The following RPL11 variants were observed in gnomAD, a reference collection of about 807,000 sequenced individuals.
RPL11 encodes large ribosomal subunit protein uL5.
A neutral mutation model predicts 24.1 loss-of-function variants in RPL11; 3 were observed. The ratio of observed to expected loss-of-function variants is 0.12; its 90% CI spans 0.06 to 0.32. The LOEUF is 0.32. Ranked by LOEUF, RPL11 falls within the 10% of genes least tolerant of loss-of-function variation. The pLI is 1.00. For missense variants in RPL11, 146 were observed against 225.7 expected (o/e 0.65, Z 2.26); for synonymous variants, 96 against 75.7 (o/e 1.27, Z -1.39).
intron 1 of RPL11, 137 bp downstream of exon 1, chr1:23,691,966 G>C (rs925145478): frequency 2.6e-5 from 30 of 1,172,504 alleles, no homozygotes; most frequent in Non-Finnish European, 3.6e-5. Flanking sequence ...TAGCAGAGCC[G>C]TTCGAGCCAA....
intron 5 of RPL11, 77 bp downstream of exon 5, chr1:23,695,985 A>T (rs1057000026): frequency 7.5e-7 from 1 of 1,338,172 alleles, no homozygotes; most frequent in Admixed American, 2.0e-5. Flanking sequence ...GATGCAAAAT[A>T]TAGTACTATT....
At chr1:23,692,506 C>A in intron 1 of RPL11, 103 bp from the exon 2 acceptor site, 1 of 1,474,264 alleles carries the variant, frequency 6.8e-7, no homozygotes, top group Non-Finnish European at 9.5e-7. Context: ...GTCTTCGTTA[C>A]GATTTGGGAT....
At chr1:23,692,125 C>G (rs1644503923) in intron 1 of RPL11, 2 of 554,520 alleles carry the variant, frequency 3.6e-6, no homozygotes. Flanking sequence ...GGGTCCGGGC[C>G]TTTTCCTGGT....
chr1:23,695,633 G>C, intron 4 of RPL11, 165 bp from the exon 5 acceptor site: 1 of 698,706 alleles, frequency 1.4e-6, no homozygotes. Context: ...TGTGTGTTGC[G>C]TGGGATGCTG....
At chr1:23,694,550 C>T in intron 3 of RPL11, 110 bp from the exon 4 acceptor site, 2 of 1,475,144 alleles carry the variant, frequency 1.4e-6, no homozygotes, top group Non-Finnish European at 1.9e-6. Flanking sequence ...GTTTCATTGA[C>T]TTCTGTTTGC....
intron 1 of RPL11, 152 bp downstream of exon 1, chr1:23,691,981 G>A (rs562234225): frequency 2.9e-6 from 3 of 1,052,470 alleles, no homozygotes; most frequent in Non-Finnish European, 2.9e-6. Flanking sequence ...AGCCAAGGAC[G>A]CAGGGTTGAA....
chr1:23,695,747 C>T (rs771421542), intron 4 of RPL11, 51 bp from the exon 5 acceptor site: 5 of 1,497,136 alleles, frequency 3.3e-6, no homozygotes, highest in Admixed American at 3.9e-5. Context: ...TCTTGTCCAT[C>T]TGCTCTTGAC....
chr1:23,695,729 T>C (rs1644529285), intron 4 of RPL11, 69 bp from the exon 5 acceptor site: 7 of 1,349,318 alleles, frequency 5.2e-6, no homozygotes, highest in Admixed American at 2.0e-5. Flanking sequence ...CTGTCTGTAA[T>C]GTGTGAGTCT....
rs376826360 is a variant in RPL11, at chr1:23,691,843, A to C, written c.6+14A>C. The C allele has an allele frequency of 6.2e-7, 1 of 1,614,112 alleles. No homozygotes were observed. Among genetic ancestry groups the C allele is most frequent in the Middle Eastern group, 1.6e-4 (1 of 6,062 alleles). ...TCCATCATGGCGGTGAGTAGCTGGGACCTGGATTTGCTTTCCTTTATCCGT... is the reference window on the plus strand; with the variant it reads ...TCCATCATGGCGGTGAGTAGCTGGGCCCTGGATTTGCTTTCCTTTATCCGT... On this transcript the variant is annotated intron_variant, in intron 1 of 5. Coordinates refer to ENST00000643754, the MANE Select transcript of RPL11 (RefSeq NM_000975.5).
intron 2 of RPL11, 111 bp from the exon 3 acceptor site, chr1:23,693,696 T>C (rs1359457767): frequency 4.0e-6 from 3 of 745,458 alleles, no homozygotes; most frequent in Non-Finnish European, 2.4e-6. Context: ...CTTAAAAGAG[T>C]GTGGATGAAT....
chr1:23,695,412 A>C, intron 4 of RPL11: 1 of 298,350 alleles, frequency 3.4e-6, no homozygotes, highest in Admixed American at 4.7e-5. Context: ...TTTTGAGCTG[A>C]AGCAGAAGGA....
Position 23,696,719 on chromosome 1 carries a change from G to A in RPL11, c.*346G>A. On this transcript the variant is annotated 3_prime_UTR_variant, in exon 6 of 6. Coordinates refer to ENST00000643754, the MANE Select transcript of RPL11 (RefSeq NM_000975.5). Reference sequence around the variant, plus strand: ...GGTGCAGTGCTCCTGTGTTCCAGGAGGCCCCCTGCTATTCAGTGATTCTGT... The same window carrying A: ...GGTGCAGTGCTCCTGTGTTCCAGGAAGCCCCCTGCTATTCAGTGATTCTGT... The A allele has an allele frequency of 2.5e-6, 1 of 404,726 alleles. No homozygotes were observed. Among genetic ancestry groups the A allele is most frequent in the Non-Finnish European group, 4.6e-6 (1 of 216,930 alleles). 25.1% of individuals were successfully genotyped at this position (404,726 alleles called of 1,614,324 possible). A position where few individuals can be genotyped will look rare whatever the true frequency, so the allele number is the denominator to read the frequency against.
At chr1:23,696,261 A>C in intron 5 of RPL11, 83 bp from the exon 6 acceptor site, 1 of 1,272,206 alleles carries the variant, frequency 7.9e-7, no homozygotes, top group Non-Finnish European at 1.1e-6. Context: ...TATCAATCAG[A>C]TGTGAATTCT....
chr1:23,695,559 G>A (rs1644528214), intron 4 of RPL11: 1 of 552,902 alleles, frequency 1.8e-6, no homozygotes, highest in Non-Finnish European at 3.3e-6. Context: ...AGCACCACTG[G>A]AAAATAGGCT....
intron 3 of RPL11, 70 bp from the exon 4 acceptor site, chr1:23,694,590 T>G: frequency 6.2e-7 from 1 of 1,606,562 alleles, no homozygotes; most frequent in East Asian, 2.2e-5. Flanking sequence ...GCTGAGCTAT[T>G]AATAGTTACT....
intron 1 of RPL11, chr1:23,692,255 T>C: frequency 2.4e-6 from 1 of 417,726 alleles, no homozygotes; most frequent in Non-Finnish European, 4.4e-6. Context: ...ACCACGTGTT[T>C]CCTGTTAACT....
chr1:23,692,004 C>G (rs993321831), intron 1 of RPL11, 175 bp downstream of exon 1: 31 of 875,610 alleles, frequency 3.5e-5, no homozygotes, highest in Non-Finnish European at 5.7e-5. Context: ...CTGTCACTTT[C>G]CCTGCCATCG....
chr1:23,692,889 C>T, intron 2 of RPL11, 130 bp downstream of exon 2: 1 of 1,101,230 alleles, frequency 9.1e-7, no homozygotes, highest in Non-Finnish European at 1.3e-6. Context: ...CATGAGCCGG[C>T]CAAGAGGTGT....
chr1:23,694,951 A>G (rs972868682), intron 4 of RPL11, 160 bp downstream of exon 4: 7 of 1,092,372 alleles, frequency 6.4e-6, no homozygotes, highest in Non-Finnish European at 8.2e-6. Flanking sequence ...ATTTGTGGCA[A>G]ATGTAGGGGT....
Sources: gnomAD v4.1 joint callset for allele counts on GRCh38, gnomAD v4.1.1 for gene constraint, MANE v1.5 for transcripts, NCBI Gene and HGNC (gene_info 2026-07-23, HGNC 2026-07-21) for gene names.